The following CLK1 variants were observed in gnomAD, a reference collection of about 807,000 sequenced individuals.
CLK1 encodes CDC like kinase 1.
In CLK1, 40 loss-of-function variants were observed where a neutral mutation model predicts 60.9. The observed-to-expected ratio is 0.66, with a 90% CI of 0.51 to 0.86. The LOEUF is 0.86. Among genes scored for constraint, CLK1 ranks in the 40% least tolerant of loss-of-function variants. The pLI is 0.00. For missense variants in CLK1, 563 were observed against 606.1 expected (o/e 0.93, Z 0.75); for synonymous variants, 203 against 184.4 (o/e 1.10, Z -0.82).
In CLK1 at chr2:200,853,364, A is replaced by C; in HGVS notation, c.1397T>G (p.Ile466Ser). The change falls in exon 13 of 13, where the codon ATT (isoleucine) becomes AGT (serine). Residue 466 changes from isoleucine (I) to serine (S), a missense_variant. This residue lies in a region of CLK1 where 360 missense variants were observed against 407.0 expected (regional missense o/e 0.88). Coordinates refer to ENST00000321356, the MANE Select transcript of CLK1 (RefSeq NM_004071.4). The part of the protein sequence containing the change: ...KMLEYDPAKR[I>S]TLREALKHPF... ...ATGCTTTAAGGCTTCTCTGAGAGTA[A>C]TTCTTTTGGCTGGATCATACTCCAA... is the stretch of plus-strand genomic sequence containing the variant. The C allele has an allele frequency of 6.2e-7, 1 of 1,613,548 alleles. No homozygotes were observed. The highest frequency in any genetic ancestry group is 8.5e-7 in the Non-Finnish European group (1 of 1,179,652).
Position 200,857,800 on chromosome 2 carries a change from G to A in CLK1, c.750C>T (p.Asp250=). ...GTAGAAAACCATTTTCTTTAATGAA[G>A]TCGTAAGTACTAAGTCCCAATAGTT... ...VFELLGLSTY[D]FIKENGFLPF... Residue 250 remains aspartate (D), a synonymous_variant, in exon 7 of 13, where the codon GAC becomes GAT. Coordinates refer to ENST00000321356, the MANE Select transcript of CLK1 (RefSeq NM_004071.4). The A allele has an allele frequency of 1.9e-6, 3 of 1,613,458 alleles. No homozygotes were observed. Among genetic ancestry groups the A allele is most frequent in the South Asian group, 1.1e-5 (1 of 90,974 alleles).
chr2:200,854,143 G>C lies in CLK1; in HGVS notation c.1221-150C>G, dbSNP rs893025161. ...GAAATGTTACCTGCTTTGCACCAAG[G>C]TAATCTACTATTTAACTGAAAAAAT... On this transcript the variant is annotated intron_variant, in intron 11 of 12. Coordinates refer to ENST00000321356, the MANE Select transcript of CLK1 (RefSeq NM_004071.4). 39 of 527,842 alleles carry C rather than the reference G, an allele frequency of 7.4e-5. No homozygotes were observed. The Admixed American group carries it at 1.2e-3, about 17-fold the overall frequency. The allele number at this position is 527,842 out of a possible 1,614,324, so 32.7% of individuals were successfully genotyped here. A position where few individuals can be genotyped will look rare whatever the true frequency, so the allele number is the denominator to read the frequency against.
At chr2:200,857,320 C>A (rs1274813345) in intron 7 of CLK1, 8 of 272,462 alleles carry the variant, frequency 2.9e-5, no homozygotes, top group African/African-American at 4.4e-5. Flanking sequence ...AACAAAAAAA[C>A]CCAACAAAAA....
intron 11 of CLK1, 42 bp downstream of exon 11, chr2:200,854,574 G>T: frequency 4.3e-6 from 5 of 1,173,152 alleles, no homozygotes; most frequent in South Asian, 1.3e-5. Flanking sequence ...CAGCAGATGT[G>T]ATCAAATGAT....
In CLK1 at chr2:200,854,692, G is replaced by T. The variant is rs1413474861; in HGVS notation, c.1144C>A (p.His382Asn). 2.5e-6 allele frequency: 4 copies of T among 1,598,728 alleles called. No homozygotes were observed. Among genetic ancestry groups the T allele is most frequent in the Non-Finnish European group, 2.6e-6 (3 of 1,166,468 alleles). The change falls in exon 11 of 13, where the codon CAC (histidine) becomes AAC (asparagine). Residue 382 changes from histidine (H) to asparagine (N), a missense_variant. By Grantham distance (68) the His-to-Asn change is moderately conservative. Coordinates refer to ENST00000321356, the MANE Select transcript of CLK1 (RefSeq NM_004071.4). The part of the protein sequence containing the change: ...YYLGFTVFPT[H>N]DSKEHLAMME... ...ATTGCTAAATGCTCCTTACTATCGT[G>T]TGTCTAGAAATAAAATAAAAACAGA...
In CLK1 at chr2:200,856,790, T is replaced by A; in HGVS notation, c.949A>T (p.Ile317Leu). The stretch of plus-strand genomic sequence containing the variant: ...TCTACAACTTTAATATCTGGATTTA[T>A]TAAGGTGCGTTCATCACGTTTCTGA... ...PKIKRDERTL[I>L]NPDIKVVDFG... Residue 317 changes from isoleucine to leucine, a missense_variant, in exon 9 of 13, where the codon ATA becomes TTA. Physicochemically the swap from Ile to Leu is conservative, Grantham distance 5 (BLOSUM62 2). Transcript: ENST00000321356. 1.2e-6 allele frequency: 2 copies of A among 1,613,582 alleles called. No individual in the cohort carries two copies. Among genetic ancestry groups the A allele is most frequent in the Non-Finnish European group, 1.7e-6 (2 of 1,179,814 alleles).
rs765393167 is a variant in CLK1, at chr2:200,853,415, C to T, written c.1346G>A (p.Arg449His). ...CATTTTCTGAATGAGGTCAAAGAGACGCTCATGTTCAACATCTTGAGAAAG... is the reference window on the plus strand; with the variant it reads ...CATTTTCTGAATGAGGTCAAAGAGATGCTCATGTTCAACATCTTGAGAAAG... ...FMLSQDVEHERLFDLIQKMLE... is the reference protein window; with the variant it reads ...FMLSQDVEHEHLFDLIQKMLE... The change falls in exon 13 of 13, where the codon CGT becomes CAT. Residue 449 changes from arginine (R) to histidine (H), a missense_variant. Arg to His is a conservative substitution (Grantham distance 29). Transcript: ENST00000321356. 40 of 1,606,482 alleles carry T rather than the reference C, an allele frequency of 2.5e-5. No homozygotes were observed. Among genetic ancestry groups the T allele is most frequent in the Middle Eastern group, 1.7e-4 (1 of 6,042 alleles).
At position 200,864,644 on chromosome 2, in the gene CLK1, C is replaced by T. The variant is rs765339435; in HGVS notation, c.-81G>A. 7.9e-5 allele frequency: 13 copies of T among 164,514 alleles called. 1 individual carries two copies. The highest frequency in any genetic ancestry group is 1.7e-4 in the Non-Finnish European group (13 of 75,828). The allele number at this position is 164,514 out of a possible 1,614,324, so 10.2% of individuals were successfully genotyped here. A position where few individuals can be genotyped will look rare whatever the true frequency, so the allele number is the denominator to read the frequency against. On this transcript the variant is annotated 5_prime_UTR_variant, in exon 1 of 13. Coordinates refer to ENST00000321356, the MANE Select transcript of CLK1 (RefSeq NM_004071.4). ...GAATCACGCAGCTGACTGCGTCGCGCACCAACAACAAAATGGAGCTGACAG... is the reference window on the plus strand; with the variant it reads ...GAATCACGCAGCTGACTGCGTCGCGTACCAACAACAAAATGGAGCTGACAG...
At chr2:200,858,784 C>CA (rs2039084927) in intron 5 of CLK1, among the ~76,000 whole-genome samples, 1 of 150,244 alleles carries the variant, frequency 6.7e-6, no homozygotes, top group Non-Finnish European at 1.5e-5. Context: ...AATGCTTTGC[C>CA]ATTCAGGAAG....
chr2:200,854,617 T>A lies in CLK1; in HGVS notation c.1219A>T (p.Arg407Trp). The A allele has an allele frequency of 6.4e-7, 1 of 1,574,702 alleles. No homozygotes were observed. Among genetic ancestry groups the A allele is most frequent in the Non-Finnish European group, 8.7e-7 (1 of 1,144,240 alleles). ...PLPKHMIQKT[R>W]KRKYFHHDRL... ...ATGTCACTAACTCTTAAAACGTACC[T>A]GGTTTTCTGTATCATATGTTTTGGT... Residue 407 changes from arginine to tryptophan, a missense_variant and splice_region_variant, in exon 11 of 13, where the codon AGG becomes TGG. Arg to Trp is a moderately radical substitution (Grantham distance 101, BLOSUM62 -3). Transcript: ENST00000321356.
chr2:200,857,954 G>C lies in CLK1; in HGVS notation c.665+19C>G, dbSNP rs1411572202. On this transcript the variant is annotated intron_variant, in intron 6 of 12. Coordinates refer to ENST00000321356, the MANE Select transcript of CLK1 (RefSeq NM_004071.4). ...AAATATACCTGATACCACTTCCCAA[G>C]TTCTAATCTGATACTTACAAAGTAC... is the stretch of plus-strand genomic sequence containing the variant. 5.0e-6 allele frequency: 8 copies of C among 1,611,602 alleles called. No homozygotes were observed. The Admixed American group carries it at 8.3e-5, about 17-fold the overall frequency.
At position 200,861,225 on chromosome 2, in the gene CLK1, A is replaced by G; in HGVS notation, c.390+13T>C. On this transcript the variant is annotated intron_variant, in intron 3 of 12. Transcript: ENST00000321356. ...GATATAAAATTTCCAAAATGTTTTA[A>G]AAACGTTCATACCCCATGTGAACGA... is the stretch of plus-strand genomic sequence containing the variant. 6.2e-7 allele frequency: 1 copy of G among 1,606,210 alleles called. No individual in the cohort carries two copies. The highest frequency in any genetic ancestry group is 8.5e-7 in the Non-Finnish European group (1 of 1,175,520).
In CLK1 at chr2:200,860,194, T is replaced by C; in HGVS notation, c.412A>G (p.Thr138Ala). The part of the protein sequence containing the change: ...SHGKSHRRKR[T>A]RSVEDDEEGH... ...TCCTCATCATCCTCTACACTCCTGG[T>C]TCTTTTCCTTCGGTGACTCTTCTGG... Residue 138 changes from threonine (T) to alanine (A), a missense_variant, in exon 4 of 13, where the codon ACC (threonine) becomes GCC (alanine). Around this residue, in one of 3 missense-constraint regions of CLK1, gnomAD observed 198 missense variants for 179.2 expected, o/e 1.10. Transcript: ENST00000321356. The C allele has an allele frequency of 6.2e-7, 1 of 1,614,114 alleles. No individual in the cohort carries two copies. Among genetic ancestry groups the C allele is most frequent in the Non-Finnish European group, 8.5e-7 (1 of 1,180,014 alleles).
intron 1 of CLK1, 113 bp downstream of exon 1, chr2:200,864,450 CG>C: frequency 1.9e-6 from 1 of 539,012 alleles, no homozygotes; most frequent in Non-Finnish European, 3.1e-6. Context: ...AGCAGGCAGT[CG>C]TCGCGCCGGG....
chr2:200,853,335 A>T lies in CLK1; in HGVS notation c.1426T>A (p.Phe476Ile). 2 of 1,612,264 alleles carry T rather than the reference A, an allele frequency of 1.2e-6. No homozygotes were observed. The highest frequency in any genetic ancestry group is 1.7e-6 in the Non-Finnish European group (2 of 1,179,330). The change falls in exon 13 of 13, where the codon TTC becomes ATC. Residue 476 changes from phenylalanine to isoleucine, a missense_variant. Phe to Ile is a conservative substitution (Grantham distance 21). Around this residue, in one of 3 missense-constraint regions of CLK1, gnomAD observed 360 missense variants for 407.0 expected, o/e 0.88. Transcript: ENST00000321356. ...ITLREALKHPFFDLLKKSI is the reference protein window; with the variant it reads ...ITLREALKHPIFDLLKKSI ...ATACTTTTCTTCAGAAGGTCAAAGA[A>T]AGGATGCTTTAAGGCTTCTCTGAGA...
At chr2:200,857,292 C>G (rs966824136) in intron 7 of CLK1, 1 of 298,632 alleles carries the variant, frequency 3.3e-6, no homozygotes, top group Non-Finnish European at 6.2e-6. Context: ...AACAACAAAG[C>G]GAGACTCCAT....
At chr2:200,855,490 T>G (rs892058230) in intron 9 of CLK1, among the ~76,000 whole-genome samples, 7 of 151,922 alleles carry the variant, frequency 4.6e-5, no homozygotes, top group African/African-American at 1.7e-4. Flanking sequence ...CCAGGCATGG[T>G]GGCAGGCACC....
intron 12 of CLK1, among the ~76,000 whole-genome samples, chr2:200,853,678 T>TTAAAA (rs1559325111): frequency 1.6e-5 from 1 of 63,436 alleles, no homozygotes; most frequent in African/African-American, 5.8e-5. Context: ...TGTCTTTACT[T>TTAAAA]GAAAAAAAAA....
At chr2:200,864,056 A>G in intron 1 of CLK1, 1 of 1,518,260 alleles carries the variant, frequency 6.6e-7, no homozygotes, top group Non-Finnish European at 8.9e-7. Context: ...TCATCATTAG[A>G]CATTAACTGT....
Sources: allele counts gnomAD v4.1 joint callset (sites outside exome capture counted in the v4.1 genomes callset), GRCh38; gene constraint gnomAD v4.1.1; regional missense constraint gnomAD v4.1.1; transcripts MANE v1.5; gene names NCBI Gene and HGNC (gene_info 2026-07-23, HGNC 2026-07-21).